The following DLGAP2 variants were observed in gnomAD, a reference collection of about 807,000 sequenced individuals.
DLGAP2 encodes the protein disks large-associated protein 2.
In DLGAP2, 26 loss-of-function variants were observed where a neutral mutation model predicts 100.3. The observed-to-expected ratio is 0.26, with a 90% CI of 0.19 to 0.36. The LOEUF (loss-of-function observed/expected upper bound fraction) is 0.36. Among genes scored for constraint, DLGAP2 ranks in the 10% least tolerant of loss-of-function variants. The pLI is 1.00. For missense variants in DLGAP2, 1,858 were observed against 1,453.2 expected (o/e 1.28, Z -4.53); for synonymous variants, 886 against 630.1 (o/e 1.41, Z -6.08).
At chr8:1,237,303 G>T (rs1167040813) in intron 2 of DLGAP2, among the ~76,000 whole-genome samples, 178 of 85,354 alleles carry the variant, frequency 2.1e-3, no homozygotes, top group Middle Eastern at 0.02. Context: ...GTCTAGTTCT[G>T]TCTCACACAG....
At chr8:849,108 G>C (rs915399608) in intron 1 of DLGAP2, among the ~76,000 whole-genome samples, 1 of 151,348 alleles carries the variant, frequency 6.6e-6, no homozygotes, top group Non-Finnish European at 1.5e-5. Context: ...GTATAGGAAT[G>C]TGCAGTGTCT....
intron 3 of DLGAP2, among the ~76,000 whole-genome samples, chr8:1,469,044 C>T (rs1049103062): frequency 1.1e-4 from 17 of 152,286 alleles, no homozygotes; most frequent in Middle Eastern, 3.4e-3. Context: ...AGGCTGTCAA[C>T]ACATCCTTCT....
intron 1 of DLGAP2, among the ~76,000 whole-genome samples, chr8:897,537 T>G (rs1798166443): frequency 6.6e-6 from 1 of 152,242 alleles, no homozygotes; most frequent in African/African-American, 2.4e-5. Flanking sequence ...TAATCTCATC[T>G]AATAAACATG....
At chr8:1,309,140 A>C (rs1800557018) in intron 3 of DLGAP2, among the ~76,000 whole-genome samples, 1 of 152,174 alleles carries the variant, frequency 6.6e-6, no homozygotes, top group Non-Finnish European at 1.5e-5. Flanking sequence ...ACACATTACA[A>C]GAGTCTCCGA....
intron 13 of DLGAP2, among the ~76,000 whole-genome samples, chr8:1,691,853 G>C (rs557116862): frequency 1.4e-5 from 2 of 139,564 alleles, no homozygotes; most frequent in African/African-American, 5.4e-5. Flanking sequence ...TTTAAACGCG[G>C]TACCGAGGCA....
rs1242045414 is a variant in DLGAP2, at chr8:971,815, G to A, written c.73+63849G>A. Among the ~76,000 whole-genome samples, 6 of 152,098 alleles carry A rather than the reference G, an allele frequency of 3.9e-5. No individual in the cohort carries two copies. The East Asian group carries it at 5.8e-4, about 15-fold the overall frequency. Reference sequence around the variant, plus strand: ...GGATCCTAAGCAATGAGAGTGAAGGGGAATTCTCAATTCCAGCCCCATTGT... The same window carrying A: ...GGATCCTAAGCAATGAGAGTGAAGGAGAATTCTCAATTCCAGCCCCATTGT... On this transcript the variant is annotated intron_variant, in intron 2 of 14. Transcript: ENST00000637795.
chr8:838,463 G>C lies in DLGAP2; in HGVS notation c.19-69449G>C, dbSNP rs1225026802. Among the ~76,000 whole-genome samples the C allele has an allele frequency of 2.6e-5, 4 of 151,596 alleles. No individual in the cohort carries two copies. The East Asian group carries it at 5.8e-4, about 22-fold the overall frequency. The stretch of plus-strand genomic sequence containing the variant: ...CCTGAAAAATTTCATTGTACAGCCA[G>C]GGTTGTGAACCACTACTGTACATTG... On this transcript the variant is annotated intron_variant, in intron 1 of 14. Coordinates refer to ENST00000637795, the MANE Select transcript of DLGAP2 (RefSeq NM_001346810.2).
intron 2 of DLGAP2, among the ~76,000 whole-genome samples, chr8:1,058,127 C>T (rs1440334926): frequency 6.6e-6 from 1 of 152,116 alleles, no homozygotes; most frequent in Non-Finnish European, 1.5e-5. Flanking sequence ...GAGTGTATTC[C>T]CACAGGGGGC....
At chr8:1,212,957 G>A (rs1798136795) in intron 2 of DLGAP2, among the ~76,000 whole-genome samples, 2 of 151,920 alleles carry the variant, frequency 1.3e-5, no homozygotes, top group African/African-American at 4.8e-5. Flanking sequence ...TTTCTTATGA[G>A]GTTTATTCTA....
intron 3 of DLGAP2, among the ~76,000 whole-genome samples, chr8:1,354,308 C>G (rs1425764022): frequency 6.6e-6 from 1 of 152,108 alleles, no homozygotes; most frequent in Non-Finnish European, 1.5e-5. Context: ...GAGTTTGAGA[C>G]CAGCCTGGGC....
chr8:756,296 A>C (rs1820919618), intron 1 of DLGAP2, among the ~76,000 whole-genome samples: 1 of 152,002 alleles, frequency 6.6e-6, no homozygotes, highest in African/African-American at 2.4e-5. Flanking sequence ...ATGGCCGGAT[A>C]GGGAGCAGGT....
intron 6 of DLGAP2, among the ~76,000 whole-genome samples, chr8:1,607,191 A>G (rs1796828526): frequency 6.6e-6 from 1 of 152,228 alleles, no homozygotes; most frequent in African/African-American, 2.4e-5. Flanking sequence ...TTTCATATAC[A>G]TATGTTTATA....
intron 6 of DLGAP2, among the ~76,000 whole-genome samples, chr8:1,597,322 C>G (rs1379235884): frequency 6.6e-6 from 1 of 151,112 alleles, no homozygotes; most frequent in Admixed American, 6.6e-5. Flanking sequence ...GTTCTTTTTG[C>G]TTAGGATTGT....
intron 2 of DLGAP2, among the ~76,000 whole-genome samples, chr8:1,040,128 G>GCGTGGTCAGCTCGCTGCA (rs1563159339): frequency 7.1e-6 from 1 of 141,046 alleles, no homozygotes; most frequent in African/African-American, 2.7e-5. Flanking sequence ...GGCTCGGTGT[G>GCGTGGTCAGCTCGCTGCA]CGTGGTCAGC....
chr8:814,229 G>A (rs1329746716), intron 1 of DLGAP2, among the ~76,000 whole-genome samples: 1 of 152,154 alleles, frequency 6.6e-6, no homozygotes, highest in South Asian at 2.1e-4. Context: ...CTCAGTTTTG[G>A]TAACTGAGTT....
In DLGAP2 at chr8:825,695, A is replaced by T. The variant is rs960205852; in HGVS notation, c.19-82217A>T. Among the ~76,000 whole-genome samples, 5 of 152,264 alleles carry T rather than the reference A, an allele frequency of 3.3e-5. No homozygotes were observed. The East Asian group carries it at 5.8e-4, about 18-fold the overall frequency. On this transcript the variant is annotated intron_variant, in intron 1 of 14. Coordinates refer to ENST00000637795, the MANE Select transcript of DLGAP2 (RefSeq NM_001346810.2). The stretch of plus-strand genomic sequence containing the variant: ...TTTGGTCTCATTGATTTTCTTTTTT[A>T]AAAATTTTTAATTATTGTGGGTTCA...
At chr8:788,640 G>C (rs1411218353) in intron 1 of DLGAP2, among the ~76,000 whole-genome samples, 1 of 152,188 alleles carries the variant, frequency 6.6e-6, no homozygotes, top group Non-Finnish European at 1.5e-5. Flanking sequence ...GTGAAGTTTG[G>C]TTTTGCGAGA....
chr8:1,043,514 C>T (rs929545582), intron 2 of DLGAP2, among the ~76,000 whole-genome samples: 1 of 151,984 alleles, frequency 6.6e-6, no homozygotes, highest in African/African-American at 2.4e-5. Flanking sequence ...AAAGCTCCCC[C>T]TGGCCTTCGT....
intron 3 of DLGAP2, among the ~76,000 whole-genome samples, chr8:1,292,936 C>A (rs552202445): frequency 6.6e-6 from 1 of 152,174 alleles, no homozygotes; most frequent in African/African-American, 2.4e-5. Context: ...CGTGTCCTCC[C>A]TGCATTAGGA....
Sources: gnomAD v4.1 joint callset for allele counts (sites outside exome capture counted in the v4.1 genomes callset) on GRCh38, gnomAD v4.1.1 for gene constraint, MANE v1.5 for transcripts, NCBI Gene and HGNC (gene_info 2026-07-23, HGNC 2026-07-21) for gene names.